SHB: variants seen among roughly 807,000 people sequenced by gnomAD.
The protein encoded by SHB is SH2 domain-containing adapter protein B.
A neutral mutation model predicts 52.3 loss-of-function variants in SHB; 20 were observed. The ratio of observed to expected loss-of-function variants is 0.38; its 90% confidence interval spans 0.27 to 0.56. The LOEUF (loss-of-function observed/expected upper bound fraction) is 0.56. SHB is among the 20% of genes least tolerant of loss of function. The pLI, the probability that SHB is intolerant of heterozygous loss-of-function variation, is 0.71. For synonymous variants in SHB, 397 were observed against 316.5 expected (o/e 1.25, Z -2.70); for missense variants, 825 against 723.3 (o/e 1.14, Z -1.61).
intron 5 of SHB, among the ~76,000 whole-genome samples, chr9:37,943,933 T>C (rs1832463037): frequency 1.3e-5 from 2 of 152,176 alleles, no homozygotes; most frequent in East Asian, 1.9e-4. Context: ...TTCAAGGCTT[T>C]TCATCCCTTT....
intron 1 of SHB, among the ~76,000 whole-genome samples, chr9:38,042,891 A>G (rs1821600804): frequency 6.6e-6 from 1 of 152,070 alleles, no homozygotes; most frequent in South Asian, 2.1e-4. Flanking sequence ...CCTCAGACCC[A>G]TGACTACCCA....
chr9:37,951,444 C>T (rs1832565464), intron 4 of SHB, among the ~76,000 whole-genome samples: 1 of 152,244 alleles, frequency 6.6e-6, no homozygotes, highest in Non-Finnish European at 1.5e-5. Context: ...GAAACAAAGA[C>T]AGCATTGACT....
chr9:37,974,021 G>A (rs1426995453), intron 3 of SHB, among the ~76,000 whole-genome samples: 6 of 152,164 alleles, frequency 3.9e-5, no homozygotes, highest in Non-Finnish European at 5.9e-5. Context: ...TTGGGAGGCC[G>A]AGGTGGGCGG....
chr9:37,993,804 G>A (rs1820913308), intron 2 of SHB, among the ~76,000 whole-genome samples: 1 of 152,192 alleles, frequency 6.6e-6, no homozygotes, highest in African/African-American at 2.4e-5. Context: ...GGAGTTACCT[G>A]AACTTTGGAA....
At chr9:37,971,575 C>A (rs138994679) in intron 3 of SHB, among the ~76,000 whole-genome samples, 1 of 152,220 alleles carries the variant, frequency 6.6e-6, no homozygotes, top group Non-Finnish European at 1.5e-5. Context: ...GAGCCAAAAG[C>A]AGCTTGGGAA....
At chr9:37,978,573 G>A (rs1820681733) in intron 2 of SHB, among the ~76,000 whole-genome samples, 1 of 152,186 alleles carries the variant, frequency 6.6e-6, no homozygotes, top group Non-Finnish European at 1.5e-5. Flanking sequence ...TATGTGTGGG[G>A]GGCAAAGTAT....
intron 3 of SHB, among the ~76,000 whole-genome samples, chr9:37,956,672 T>C (rs971176134): frequency 9.2e-5 from 14 of 152,114 alleles, no homozygotes; most frequent in Admixed American, 6.5e-4. Flanking sequence ...TGTGGGAGCA[T>C]CGTTCACCCC....
In SHB at chr9:38,067,923, C is replaced by T. The variant is rs546575714; in HGVS notation, c.717+6G>A. On this transcript the variant is annotated splice_donor_region_variant and intron_variant, in intron 1 of 5. Coordinates refer to ENST00000377707, the MANE Select transcript of SHB (RefSeq NM_003028.3). ...AACCTCGGGAAGAGGCCAAGGGGCACCTTACCTTGTCCTTCTTGCCGGCCC... is the reference window on the plus strand; with the variant it reads ...AACCTCGGGAAGAGGCCAAGGGGCATCTTACCTTGTCCTTCTTGCCGGCCC... 1 of 1,512,130 alleles carries T rather than the reference C, an allele frequency of 6.6e-7. No homozygotes were observed. The highest frequency in any genetic ancestry group is 1.3e-5 in the South Asian group (1 of 79,944). 93.7% of individuals were successfully genotyped at this position (1,512,130 alleles called of 1,614,324 possible).
Position 37,918,223 on chromosome 9 carries a change from T to A in SHB, c.*1598A>T, listed in dbSNP as rs565450389. Among the ~76,000 whole-genome samples, 1 of 152,340 alleles carries A rather than the reference T, an allele frequency of 6.6e-6. No homozygotes were observed. The highest frequency in any genetic ancestry group is 2.4e-5 in the African/African-American group (1 of 41,590). On this transcript the variant is annotated 3_prime_UTR_variant, in exon 6 of 6. Transcript: ENST00000377707. ...TGGCGAAGGCTCTGGAACCCTTGTA[T>A]CTCATTCAGGAGAGGGCAGCCACAT...
At chr9:37,983,806 G>C (rs967837982) in intron 2 of SHB, among the ~76,000 whole-genome samples, 1 of 152,224 alleles carries the variant, frequency 6.6e-6, no homozygotes, top group African/African-American at 2.4e-5. Flanking sequence ...ATTAGGCTCA[G>C]GGCCCCAGCG....
intron 1 of SHB, among the ~76,000 whole-genome samples, chr9:38,034,011 G>A (rs866737216): frequency 6.6e-5 from 10 of 152,160 alleles, no homozygotes; most frequent in African/African-American, 1.9e-4. Context: ...GTAATAACGG[G>A]GCTCACCCTT....
At chr9:37,995,219 C>T (rs112098868) in intron 2 of SHB, among the ~76,000 whole-genome samples, 9 of 152,252 alleles carry the variant, frequency 5.9e-5, no homozygotes, top group East Asian at 1.9e-4. Context: ...CGTCCCCTGA[C>T]GGAGGGAGGC....
At chr9:37,977,107 T>G (rs1438925763) in intron 2 of SHB, among the ~76,000 whole-genome samples, 3 of 152,226 alleles carry the variant, frequency 2.0e-5, no homozygotes, top group Non-Finnish European at 4.4e-5. Flanking sequence ...GGGTGGTTAC[T>G]TATCATTTTT....
At chr9:38,023,328 T>G (rs1315252574) in intron 1 of SHB, among the ~76,000 whole-genome samples, 1 of 152,156 alleles carries the variant, frequency 6.6e-6, no homozygotes, top group Non-Finnish European at 1.5e-5. Context: ...GCAGGGTGGT[T>G]TGCCTTCTCA....
intron 5 of SHB, among the ~76,000 whole-genome samples, chr9:37,931,049 A>C (rs1832305921): frequency 6.6e-6 from 1 of 152,200 alleles, no homozygotes; most frequent in African/African-American, 2.4e-5. Flanking sequence ...GTGCTAATAA[A>C]CTAGATTTCC....
chr9:38,068,729 C>G lies in SHB; in HGVS notation c.-84G>C. Reference sequence around the variant, plus strand: ...GGGGGCAGCGCTGCGGCGCAGGTCCCTCGGCGCCCCGGCCCCGGCGGGGGG... The same window carrying G: ...GGGGGCAGCGCTGCGGCGCAGGTCCGTCGGCGCCCCGGCCCCGGCGGGGGG... On this transcript the variant is annotated 5_prime_UTR_variant, in exon 1 of 6. Coordinates refer to ENST00000377707, the MANE Select transcript of SHB (RefSeq NM_003028.3). 4.1e-6 allele frequency: 4 copies of G among 970,866 alleles called. No individual in the cohort carries two copies. The highest frequency in any genetic ancestry group is 5.1e-6 in the Non-Finnish European group (4 of 783,218). 60.1% of individuals were successfully genotyped at this position (970,866 alleles called of 1,614,324 possible).
Position 38,014,776 on chromosome 9 carries a change from A to G in SHB, c.838+1235T>C, listed in dbSNP as rs537346625. Among the ~76,000 whole-genome samples the G allele has an allele frequency of 2.0e-4, 30 of 151,076 alleles. No individual in the cohort carries two copies. The South Asian group carries it at 6.1e-3, about 31-fold the overall frequency. On this transcript the variant is annotated intron_variant, in intron 2 of 5. Coordinates refer to ENST00000377707, the MANE Select transcript of SHB (RefSeq NM_003028.3). ...TGAACAGGAGGAGCAGGAGGCAGAG[A>G]ACAGCAAAGGCAGAGCCTAGAAGGT...
chr9:38,054,781 A>G (rs1359660997), intron 1 of SHB, among the ~76,000 whole-genome samples: 1 of 152,250 alleles, frequency 6.6e-6, no homozygotes, highest in Non-Finnish European at 1.5e-5. Flanking sequence ...GAGTTCAACC[A>G]ACGAGTTCCT....
At chr9:38,038,303 T>C (rs1443448264) in intron 1 of SHB, among the ~76,000 whole-genome samples, 1 of 152,138 alleles carries the variant, frequency 6.6e-6, no homozygotes, top group Non-Finnish European at 1.5e-5. Context: ...ACAAAAGCAA[T>C]GGACCTGGGA....
Sources: gnomAD v4.1 joint callset for allele counts (sites outside exome capture counted in the v4.1 genomes callset) on GRCh38, gnomAD v4.1.1 for gene constraint, MANE v1.5 for transcripts, NCBI Gene and HGNC (gene_info 2026-07-23, HGNC 2026-07-21) for gene names.